AKAP19: variants seen among roughly 807,000 people sequenced by gnomAD.
The protein encoded by AKAP19 is A-kinase anchoring protein 19, also known as small A-kinase anchoring protein.
chr2:189,943,515 C>T, the AKAP19 span, among the ~76,000 whole-genome samples: 2 of 152,328 alleles, frequency 1.3e-5, no homozygotes, highest in African/African-American at 2.4e-5. Context: ...TACAGCAGTG[C>T]CAAGGGGAAA....
At chr2:189,934,899 A>AT in the AKAP19 span, among the ~76,000 whole-genome samples, 1 of 152,028 alleles carries the variant, frequency 6.6e-6, no homozygotes. Context: ...TAACAATGCC[A>AT]TTTAAAAGAC....
At chr2:190,009,997 A>T in the AKAP19 span, among the ~76,000 whole-genome samples, 1 of 152,258 alleles carries the variant, frequency 6.6e-6, no homozygotes, top group Non-Finnish European at 1.5e-5. Context: ...AAAAAAGAGC[A>T]AGGATAGCTG....
chr2:190,055,487 TAAAAA>T, the AKAP19 span, among the ~76,000 whole-genome samples: 2 of 151,430 alleles, frequency 1.3e-5, no homozygotes, highest in Non-Finnish European at 2.9e-5. Context: ...AATAAAAAAA[TAAAAA>T]AAAGAGAAAT....
the AKAP19 span, among the ~76,000 whole-genome samples, chr2:189,974,726 A>G: frequency 4.6e-5 from 7 of 152,136 alleles, no homozygotes; most frequent in East Asian, 9.6e-4. Flanking sequence ...TCTCTTTACC[A>G]TTATGTAATG....
the AKAP19 span, among the ~76,000 whole-genome samples, chr2:189,994,654 A>T: frequency 6.6e-6 from 1 of 151,950 alleles, no homozygotes; most frequent in South Asian, 2.1e-4. Flanking sequence ...GCTGGAGTAC[A>T]GTGGTGCCAT....
the AKAP19 span, among the ~76,000 whole-genome samples, chr2:189,892,176 A>G: frequency 6.6e-6 from 1 of 152,070 alleles, no homozygotes; most frequent in Admixed American, 6.5e-5. Context: ...TTGCATTAGA[A>G]CATGCTCCTT....
the AKAP19 span, chr2:189,923,274 C>G: frequency 1.3e-6 from 2 of 1,497,738 alleles, no homozygotes; most frequent in Middle Eastern, 3.5e-4. Context: ...GACTCAGAAT[C>G]GAATCTCTTC....
chr2:190,072,987 A>G, the AKAP19 span, among the ~76,000 whole-genome samples: 3 of 152,204 alleles, frequency 2.0e-5, no homozygotes, highest in South Asian at 4.1e-4. Context: ...AACAAAACTA[A>G]AAAGATAAAA....
chr2:190,018,630 T>C, the AKAP19 span, among the ~76,000 whole-genome samples: 7 of 152,338 alleles, frequency 4.6e-5, no homozygotes, highest in East Asian at 1.3e-3. Context: ...AGTCATTCCA[T>C]AGATCTTCAT....
chr2:189,958,155 T>C, the AKAP19 span, among the ~76,000 whole-genome samples: 4 of 152,144 alleles, frequency 2.6e-5, no homozygotes, highest in Non-Finnish European at 5.9e-5. Context: ...ATTAGTGTCT[T>C]GAACATATAA....
chr2:190,020,856 A>G, the AKAP19 span, among the ~76,000 whole-genome samples: 1 of 152,162 alleles, frequency 6.6e-6, no homozygotes, highest in Non-Finnish European at 1.5e-5. Flanking sequence ...CATGTTATTC[A>G]TATGCATGGG....
chr2:190,042,780 T>A, the AKAP19 span, among the ~76,000 whole-genome samples: 1 of 152,230 alleles, frequency 6.6e-6, no homozygotes, highest in South Asian at 2.1e-4. Flanking sequence ...CACACTGGTC[T>A]GTGTATGACA....
the AKAP19 span, among the ~76,000 whole-genome samples, chr2:189,984,897 A>G: frequency 3.5e-4 from 53 of 152,072 alleles, 2 homozygotes; most frequent in Admixed American, 3.4e-3. Flanking sequence ...GGAAGGGCAG[A>G]GGCCCACCAA....
chr2:189,975,019 C>T, the AKAP19 span, among the ~76,000 whole-genome samples: 1 of 152,140 alleles, frequency 6.6e-6, no homozygotes, highest in African/African-American at 2.4e-5. Context: ...TTGATCCTGT[C>T]ATTATGATAT....
the AKAP19 span, chr2:190,201,841 G>C: frequency 6.0e-6 from 1 of 166,990 alleles, no homozygotes; most frequent in Non-Finnish European, 1.5e-5. Flanking sequence ...TTTCCCATAA[G>C]TATAAAACAT....
chr2:189,962,116 G>A, the AKAP19 span, among the ~76,000 whole-genome samples: 1 of 151,584 alleles, frequency 6.6e-6, no homozygotes, highest in Non-Finnish European at 1.5e-5. Flanking sequence ...TATAATAGAG[G>A]TTCCATAAGA....
the AKAP19 span, among the ~76,000 whole-genome samples, chr2:190,189,018 T>C: frequency 2.0e-5 from 3 of 152,188 alleles, no homozygotes; most frequent in Non-Finnish European, 2.9e-5. Flanking sequence ...ATCAGTGTCA[T>C]TTTTCCCAAC....
the AKAP19 span, among the ~76,000 whole-genome samples, chr2:190,116,380 C>A: frequency 6.6e-6 from 1 of 152,056 alleles, no homozygotes; most frequent in Non-Finnish European, 1.5e-5. Context: ...GAACTCACAG[C>A]CTCAATCTCT....
chr2:190,093,963 T>A, the AKAP19 span, among the ~76,000 whole-genome samples: 1 of 152,214 alleles, frequency 6.6e-6, no homozygotes, highest in Admixed American at 6.5e-5. Context: ...TCATCTGTCT[T>A]GTGACCAAGC....
Sources: gnomAD v4.1 joint callset for allele counts (sites outside exome capture counted in the v4.1 genomes callset) on GRCh38, gnomAD v4.1.1 for gene constraint, MANE v1.5 for transcripts, NCBI Gene and HGNC (gene_info 2026-07-23, HGNC 2026-07-21) for gene names.